The following INPP5D variants were observed in gnomAD, a reference collection of about 807,000 sequenced individuals.
INPP5D encodes inositol polyphosphate-5-phosphatase D.
INPP5D carries 33 observed loss-of-function variants against 122.9 expected under a neutral mutation model. That is an observed-to-expected ratio of 0.27 (90% CI 0.20 to 0.36). The LOEUF is 0.36. Ranked by LOEUF, INPP5D falls within the 10% of genes least tolerant of loss-of-function variation. The probability of loss-of-function intolerance (pLI) is 1.00; values close to 1 mark genes in which losing one functional copy is unlikely to be tolerated. For missense variants in INPP5D, 1,053 were observed against 1,412.7 expected (o/e 0.75, Z 4.08); for synonymous variants, 584 against 576.2 (o/e 1.01, Z -0.19).
chr2:233,060,936 G>A (rs1691055893), intron 1 of INPP5D, among the ~76,000 whole-genome samples: 1 of 152,184 alleles, frequency 6.6e-6, no homozygotes. Context: ...GAAGCTCAGG[G>A]CTCTGTGGAG....
intron 1 of INPP5D, among the ~76,000 whole-genome samples, chr2:233,075,622 T>C (rs1268086633): frequency 6.6e-6 from 1 of 152,070 alleles, no homozygotes; most frequent in Admixed American, 6.5e-5. Flanking sequence ...TGTGTGTATA[T>C]AGGACCAGAG....
intron 20 of INPP5D, 34 bp downstream of exon 20, chr2:233,184,555 C>G (rs1245516270): frequency 1.1e-5 from 17 of 1,611,586 alleles, no homozygotes; most frequent in Non-Finnish European, 1.1e-5. Flanking sequence ...CTGGGCAGAA[C>G]TGCCCGGAGC....
At chr2:233,126,668 T>C (rs7587242) in intron 4 of INPP5D, among the ~76,000 whole-genome samples, 144,036 of 152,254 alleles carry the variant, frequency 0.95, 68,405 homozygotes, top group Middle Eastern at 0.99. Flanking sequence ...TCCTGTAATC[T>C]CAGCACTTTG....
chr2:233,157,350 G>C (rs538926944), intron 9 of INPP5D, among the ~76,000 whole-genome samples: 2 of 152,114 alleles, frequency 1.3e-5, no homozygotes, highest in Non-Finnish European at 2.9e-5. Flanking sequence ...TCTGGGAAAG[G>C]CTCCCTCAGG....
chr2:233,164,431 A>T lies in INPP5D; in HGVS notation c.1555+7A>T. ...GGCATTGCAAACACACTGGGTGAGC[A>T]GGGCGGGGACCCTGTGTTCCTCCCA... On this transcript the variant is annotated splice_region_variant and intron_variant, in intron 13 of 26. Coordinates refer to ENST00000445964, the MANE Select transcript of INPP5D (RefSeq NM_001017915.3). This position sits in a 1 kb window ranked among gnomAD's most constrained non-coding sequence, Gnocchi z 4.3. The T allele has an allele frequency of 6.5e-7, 1 of 1,546,714 alleles. No homozygotes were observed. Among genetic ancestry groups the T allele is most frequent in the Non-Finnish European group, 8.7e-7 (1 of 1,143,894 alleles).
intron 2 of INPP5D, among the ~76,000 whole-genome samples, chr2:233,085,595 G>A (rs1017861256): frequency 6.6e-6 from 1 of 151,942 alleles, no homozygotes; most frequent in East Asian, 1.9e-4. Context: ...TCTGTTCTTT[G>A]ACACAAAAGA....
At position 233,105,336 on chromosome 2, in the gene INPP5D, G is replaced by A. The variant is rs570977109; in HGVS notation, c.199-16771G>A. Among the ~76,000 whole-genome samples the A allele has an allele frequency of 8.5e-5, 13 of 152,248 alleles. No homozygotes were observed. Among genetic ancestry groups the A allele is most frequent in the South Asian group, 2.1e-4 (1 of 4,822 alleles). On this transcript the variant is annotated intron_variant, in intron 2 of 26. Coordinates refer to ENST00000445964, the MANE Select transcript of INPP5D (RefSeq NM_001017915.3). The surrounding 1 kb of genome is among the most constrained non-coding windows in gnomAD (Gnocchi z 4.0). The stretch of plus-strand genomic sequence containing the variant: ...TTTGCCAGTGCCGCTCCCTTCGCCC[G>A]CCAGGGTGCTCCCTGTCTCTTTGCC...
chr2:233,068,522 G>A, intron 1 of INPP5D, among the ~76,000 whole-genome samples: 1 of 152,128 alleles, frequency 6.6e-6, no homozygotes, highest in East Asian at 1.9e-4. Flanking sequence ...TTGAACCCAG[G>A]AGGTGGAGGT....
chr2:233,185,281 CCTT>C (rs10592734), intron 20 of INPP5D, among the ~76,000 whole-genome samples: 73,627 of 151,654 alleles, frequency 0.49, 18,130 homozygotes, highest in African/African-American at 0.52. Context: ...GTCCCTGCCT[CCTT>C]CTCCAACTGA....
intron 1 of INPP5D, among the ~76,000 whole-genome samples, chr2:233,072,112 C>T (rs1283815332): frequency 6.6e-6 from 1 of 152,304 alleles, no homozygotes; most frequent in Admixed American, 6.5e-5. Flanking sequence ...CTATGGACCA[C>T]CTGGGAAGGG....
chr2:233,116,096 TG>T (rs972779216), intron 2 of INPP5D, among the ~76,000 whole-genome samples: 8 of 152,016 alleles, frequency 5.3e-5, no homozygotes, highest in African/African-American at 1.9e-4. Context: ...TACCATGTTT[TG>T]TTTGTTTGTT....
In INPP5D at chr2:233,146,165, C is replaced by A; in HGVS notation, c.757C>A (p.Pro253Thr). Residue 253 changes from proline to threonine, a missense_variant, in exon 7 of 27, where the codon CCT becomes ACT. By Grantham distance (38) the Pro-to-Thr change is conservative. Transcript: ENST00000445964. ...TCCTCTTTCCCTCCTCTCCCAGGTT[C>A]CTGGTGAGGCCAATCCCATCAACAT... ...SPGLRPRPQV[P>T]GEANPINMVS... 1.4e-6 allele frequency: 1 copy of A among 704,214 alleles called. No individual in the cohort carries two copies. Among genetic ancestry groups the A allele is most frequent in the Non-Finnish European group, 2.6e-6 (1 of 384,992 alleles). 43.6% of individuals were successfully genotyped at this position (704,214 alleles called of 1,614,324 possible).
Position 233,170,026 on chromosome 2 carries a change from G to A in INPP5D, c.1653G>A (p.Arg551=). The A allele has an allele frequency of 6.2e-7, 1 of 1,614,022 alleles. No homozygotes were observed. Among genetic ancestry groups the A allele is most frequent in the Non-Finnish European group, 8.5e-7 (1 of 1,179,900 alleles). The part of the protein sequence containing the change: ...HLTSGSEKKL[R]RNQNYMNILR... ...GATGGCCGCTTTTTCCTTGCATTAG[G>A]CGAAACCAAAACTATATGAACATTC... The change falls in exon 15 of 27, where the codon AGG becomes AGA. Residue 551 remains arginine (R), a splice_region_variant and synonymous_variant. Coordinates refer to ENST00000445964, the MANE Select transcript of INPP5D (RefSeq NM_001017915.3). This position sits in a 1 kb window ranked among gnomAD's most constrained non-coding sequence, Gnocchi z 4.5.
rs897976174 is a variant in INPP5D, at chr2:233,169,795, C to A, written c.1653-231C>A. 13 of 679,822 alleles carry A rather than the reference C, an allele frequency of 1.9e-5. No homozygotes were observed. The African/African-American group carries it at 2.3e-4, about 12-fold the overall frequency. The allele number at this position is 679,822 out of a possible 1,614,324, so 42.1% of individuals were successfully genotyped here. On this transcript the variant is annotated intron_variant, in intron 14 of 26. Coordinates refer to ENST00000445964, the MANE Select transcript of INPP5D (RefSeq NM_001017915.3). The stretch of plus-strand genomic sequence containing the variant: ...CTCTGCTGAGCAGATGCTGCTGCTC[C>A]TGGTCCCCTGCCCTCTGTACACCCA...
rs768299556 is a variant in INPP5D at position 233,198,264 on chromosome 2, C to T, written c.2863C>T (p.Pro955Ser). ...DQPPKDSPLG[P>S]CRGESPPTPP... ...GCCGCCCAAGGACTCCCCGCTGGGG[C>T]CCTGCAGGGGAGAAAGTCCTCCGAC... Residue 955 changes from proline (P) to serine (S), a missense_variant, in exon 25 of 27, where the codon CCC becomes TCC. Transcript: ENST00000445964. 1.4e-5 allele frequency: 23 copies of T among 1,613,404 alleles called. No homozygotes were observed. The highest frequency in any genetic ancestry group is 1.6e-4 in the Middle Eastern group (1 of 6,084).
intron 22 of INPP5D, among the ~76,000 whole-genome samples, chr2:233,191,280 A>G (rs1321016309): frequency 2.6e-5 from 4 of 152,250 alleles, no homozygotes; most frequent in African/African-American, 9.6e-5. Context: ...TTGAGAACTC[A>G]CTCACCATCA....
At chr2:233,169,041 G>C (rs553191465) in intron 13 of INPP5D, 1 of 451,642 alleles carries the variant, frequency 2.2e-6, no homozygotes, top group African/African-American at 2.0e-5. Context: ...GGTCACTTTA[G>C]AGAGAGATGC....
In INPP5D at chr2:233,143,094, C is replaced by T. The variant is rs990569726; in HGVS notation, c.754-3068C>T. Reference sequence around the variant, plus strand: ...GTAAACTCACCACTCTGACTCTATTCCCCCATCAGCAAAACAAGGATTAGA... The same window carrying T: ...GTAAACTCACCACTCTGACTCTATTTCCCCATCAGCAAAACAAGGATTAGA... On this transcript the variant is annotated intron_variant, in intron 6 of 26. Transcript: ENST00000445964. 5.0e-4 allele frequency among the ~76,000 whole-genome samples: 76 copies of T among 152,312 alleles called. 1 individual carries two copies. In the East Asian group the frequency reaches 0.013, roughly 26 times the overall value.
intron 2 of INPP5D, among the ~76,000 whole-genome samples, chr2:233,121,856 A>T (rs1307303368): frequency 6.6e-6 from 1 of 152,178 alleles, no homozygotes; most frequent in East Asian, 1.9e-4. Flanking sequence ...AAAGTTTTTT[A>T]AAAACGGAAA....
Sources: allele counts gnomAD v4.1 joint callset (sites outside exome capture counted in the v4.1 genomes callset), GRCh38; gene constraint gnomAD v4.1.1; non-coding constraint Gnocchi (gnomAD v3.1); transcripts MANE v1.5; gene names NCBI Gene and HGNC (gene_info 2026-07-23, HGNC 2026-07-21).